IKZF3: variants seen among roughly 807,000 people sequenced by gnomAD.
IKZF3 encodes the protein IKAROS family zinc finger 3.
In IKZF3, 10 loss-of-function variants were observed where a neutral mutation model predicts 49.0. That is an observed-to-expected ratio of 0.20 (90% CI 0.13 to 0.35). IKZF3 has a LOEUF of 0.35. Ranked by LOEUF, IKZF3 falls within the 10% of genes least tolerant of loss-of-function variation. The probability of loss-of-function intolerance (pLI) is 1.00; values close to 1 mark genes in which losing one functional copy is unlikely to be tolerated. For synonymous variants in IKZF3, 209 were observed against 228.2 expected (o/e 0.92, Z 0.76); for missense variants, 498 against 664.8 (o/e 0.75, Z 2.76).
intron 6 of IKZF3, among the ~76,000 whole-genome samples, chr17:39,786,825 A>G (rs908730467): frequency 1.3e-5 from 2 of 152,068 alleles, no homozygotes; most frequent in Non-Finnish European, 2.9e-5. Flanking sequence ...AATAAGTTGG[A>G]TTTCCTTTAT....
At chr17:39,806,734 T>A (rs4795395) in intron 3 of IKZF3, among the ~76,000 whole-genome samples, 57,876 of 152,048 alleles carry the variant, frequency 0.38, 12,185 homozygotes, top group Non-Finnish European at 0.46. Flanking sequence ...TTGTGTAATA[T>A]TCCCCTCCAG....
chr17:39,798,981 T>TTG lies in IKZF3; in HGVS notation c.164-6050_164-6049dup, dbSNP rs549312728. Among the ~76,000 whole-genome samples, 129 of 103,296 alleles carry TTG rather than the reference T, an allele frequency of 1.2e-3. No individual in the cohort carries two copies. In the East Asian group the frequency reaches 0.017, roughly 14 times the overall value. The allele number at this position is 103,296 out of a possible 152,430, so 67.8% of individuals were successfully genotyped here. A position where few individuals can be genotyped will look rare whatever the true frequency, so the allele number is the denominator to read the frequency against. Reference sequence around the variant, plus strand: ...TAGCTGAGGGCAGAAGCTATACAGATTGTGTGTGTGTGTGCGTGTGTGTGT... The same window carrying TTG: ...TAGCTGAGGGCAGAAGCTATACAGATTGTGTGTGTGTGTGTGCGTGTGTGTGT... On this transcript the variant is annotated intron_variant, in intron 3 of 7. Transcript: ENST00000346872.
At chr17:39,778,270 T>G in intron 6 of IKZF3, 4 of 774,844 alleles carry the variant, frequency 5.2e-6, no homozygotes, top group Non-Finnish European at 6.3e-6. Flanking sequence ...CAGTGATTTG[T>G]GTATTGAAAT....
chr17:39,796,402 C>T (rs113369293), intron 3 of IKZF3, among the ~76,000 whole-genome samples: 3,640 of 152,262 alleles, frequency 0.024, 60 homozygotes, highest in Non-Finnish European at 0.037. Flanking sequence ...TCAATTTCTA[C>T]ATCAAGTCAG....
At chr17:39,820,490 A>G (rs970968735) in intron 3 of IKZF3, among the ~76,000 whole-genome samples, 5 of 152,186 alleles carry the variant, frequency 3.3e-5, no homozygotes, top group African/African-American at 1.2e-4. Flanking sequence ...TTCTATTTCA[A>G]TGAACTTTCC....
At chr17:39,830,621 G>T (rs1400816178) in intron 2 of IKZF3, among the ~76,000 whole-genome samples, 1 of 152,160 alleles carries the variant, frequency 6.6e-6, no homozygotes, top group Non-Finnish European at 1.5e-5. Context: ...TCACATATAG[G>T]CATAGTAGCT....
At chr17:39,768,490 T>A (rs2060352305) in intron 7 of IKZF3, among the ~76,000 whole-genome samples, 1 of 152,220 alleles carries the variant, frequency 6.6e-6, no homozygotes, top group South Asian at 2.1e-4. Context: ...TTCTGCAATA[T>A]CCACACACCA....
chr17:39,849,265 C>G (rs1324101476), intron 1 of IKZF3, among the ~76,000 whole-genome samples: 5 of 145,482 alleles, frequency 3.4e-5, no homozygotes, highest in African/African-American at 1.3e-4. Flanking sequence ...AAAACCCTGT[C>G]TCTACTAAAA....
intron 7 of IKZF3, among the ~76,000 whole-genome samples, chr17:39,768,333 G>A (rs928109104): frequency 2.6e-5 from 4 of 152,190 alleles, no homozygotes; most frequent in Admixed American, 6.5e-5. Context: ...TCAGAGAAGC[G>A]GGAGAGGACA....
rs781416005 is a variant in IKZF3, at chr17:39,766,379, T to C, written c.941A>G (p.Tyr314Cys). 3 of 1,614,176 alleles carry C rather than the reference T, an allele frequency of 1.9e-6. No homozygotes were observed. The highest frequency in any genetic ancestry group is 1.6e-4 in the Middle Eastern group (1 of 6,062). ...GGGGCGCAGGGCTTCGGCGCCAAGA[T>C]AGCTGATGGCGTTATTGATGGCTTG... ...MDQAINNAIS[Y>C]LGAEALRPLV... The change falls in exon 8 of 8, where the codon TAT becomes TGT. Residue 314 changes from tyrosine (Y) to cysteine (C), a missense_variant. By Grantham distance (194) the Tyr-to-Cys change is radical. Coordinates refer to ENST00000346872, the MANE Select transcript of IKZF3 (RefSeq NM_012481.5).
At chr17:39,812,825 G>C (rs994852118) in intron 3 of IKZF3, among the ~76,000 whole-genome samples, 1 of 152,224 alleles carries the variant, frequency 6.6e-6, no homozygotes, top group African/African-American at 2.4e-5. Flanking sequence ...GAGGCAGGGC[G>C]AAGTGGCTCA....
At chr17:39,838,603 A>C (rs886065350) in intron 1 of IKZF3, among the ~76,000 whole-genome samples, 1 of 152,102 alleles carries the variant, frequency 6.6e-6, no homozygotes, top group Non-Finnish European at 1.5e-5. Context: ...CTATAACTTC[A>C]ATTACAGAAG....
chr17:39,815,578 T>C (rs1381175304), intron 3 of IKZF3, among the ~76,000 whole-genome samples: 1 of 152,240 alleles, frequency 6.6e-6, no homozygotes, highest in Non-Finnish European at 1.5e-5. Context: ...GACATCACAG[T>C]ATCTTGCTGA....
chr17:39,767,120 G>A (rs16965330), intron 7 of IKZF3, among the ~76,000 whole-genome samples: 2,347 of 152,228 alleles, frequency 0.015, 60 homozygotes, highest in African/African-American at 0.054. Flanking sequence ...AGCTTCAAAT[G>A]TAGAAAGTTT....
chr17:39,829,439 C>T lies in IKZF3; in HGVS notation c.111G>A (p.Met37Ile). Residue 37 changes from methionine to isoleucine, a missense_variant, in exon 3 of 8, where the codon ATG becomes ATA. Physicochemically the swap from Met to Ile is conservative, Grantham distance 10 (BLOSUM62 1). Transcript: ENST00000346872. ...NDYSLTKSHE[M>I]ENVDSGEGPA... The stretch of plus-strand genomic sequence containing the variant: ...GGCCTTCTCCACTGTCCACATTTTC[C>T]ATTTCATGAGATTTGGTTAAACTGT... 2 of 1,614,104 alleles carry T rather than the reference C, an allele frequency of 1.2e-6. No homozygotes were observed. The highest frequency in any genetic ancestry group is 1.7e-6 in the Non-Finnish European group (2 of 1,179,958).
chr17:39,797,702 C>A (rs562376779), intron 3 of IKZF3, among the ~76,000 whole-genome samples: 95 of 152,226 alleles, frequency 6.2e-4, no homozygotes, highest in African/African-American at 2.0e-3. Flanking sequence ...GGATTACAGG[C>A]ATGAGCCACC....
intron 6 of IKZF3, among the ~76,000 whole-genome samples, chr17:39,782,534 C>T (rs1327751056): frequency 6.6e-6 from 1 of 152,150 alleles, no homozygotes; most frequent in Non-Finnish European, 1.5e-5. Context: ...GGACTATTGG[C>T]TTTTGGTCCT....
chr17:39,814,470 T>C (rs891206589), intron 3 of IKZF3, among the ~76,000 whole-genome samples: 1 of 152,210 alleles, frequency 6.6e-6, no homozygotes. Context: ...TGTTGAATAG[T>C]GTCCCTCCTA....
chr17:39,765,490 G>T lies in IKZF3; in HGVS notation c.*300C>A. 1 of 276,820 alleles carries T rather than the reference G, an allele frequency of 3.6e-6. No homozygotes were observed. Among genetic ancestry groups the T allele is most frequent in the South Asian group, 7.6e-5 (1 of 13,108 alleles). The allele number at this position is 276,820 out of a possible 1,614,324, so 17.1% of individuals were successfully genotyped here. A position where few individuals can be genotyped will look rare whatever the true frequency, so the allele number is the denominator to read the frequency against. The stretch of plus-strand genomic sequence containing the variant: ...AGAATGTTTCATATAGCACATCTCC[G>T]GGACCACTCATTCCACTGCTGTAGA... On this transcript the variant is annotated 3_prime_UTR_variant, in exon 8 of 8. Transcript: ENST00000346872.
Sources: gnomAD v4.1 joint callset for allele counts (sites outside exome capture counted in the v4.1 genomes callset) on GRCh38, gnomAD v4.1.1 for gene constraint, MANE v1.5 for transcripts, NCBI Gene and HGNC (gene_info 2026-07-23, HGNC 2026-07-21) for gene names.